The following LINGO2 variants were observed in gnomAD, a reference collection of about 807,000 sequenced individuals.
LINGO2 encodes the protein leucine-rich repeat and immunoglobulin-like domain-containing nogo receptor-interacting protein 2.
LINGO2 carries 14 observed loss-of-function variants against 30.6 expected under a neutral mutation model. The observed-to-expected ratio is 0.46, with a 90% CI of 0.30 to 0.72. The LOEUF is 0.72. LINGO2 is among the 30% of genes least tolerant of loss of function. The pLI, the probability that LINGO2 is intolerant of heterozygous loss-of-function variation, is 0.07. For missense variants in LINGO2, 729 were observed against 751.7 expected, an observed-to-expected ratio of 0.97 and a Z score of 0.35; for synonymous variants, 317 against 288.5, an observed-to-expected ratio of 1.10 and a Z score of -1.00.
chr9:28,464,244 T>C (rs551648091), intron 2 of LINGO2, among the ~76,000 whole-genome samples: 3 of 152,318 alleles, frequency 2.0e-5, no homozygotes, highest in African/African-American at 7.2e-5. Flanking sequence ...TATTCCTGTG[T>C]TACACTATAA....
intron 3 of LINGO2, among the ~76,000 whole-genome samples, chr9:28,314,875 C>A (rs905942282): frequency 2.6e-5 from 4 of 151,654 alleles, no homozygotes; most frequent in African/African-American, 9.7e-5. Flanking sequence ...GTCCCAGCTA[C>A]TCGGGAGGCT....
chr9:28,672,508 T>C (rs1266513827), upstream of LINGO2, among the ~76,000 whole-genome samples: 3 of 152,194 alleles, frequency 2.0e-5, no homozygotes, highest in South Asian at 4.1e-4. Context: ...TTGCCACCAT[T>C]GGCTTACATA....
chr9:28,348,633 G>C (rs547969511), intron 3 of LINGO2, among the ~76,000 whole-genome samples: 2,856 of 152,216 alleles, frequency 0.019, 78 homozygotes, highest in African/African-American at 0.065. Flanking sequence ...AGCTGGAACT[G>C]GGTGGAGCCC....
At chr9:28,221,850 C>T (rs988612787) in intron 4 of LINGO2, among the ~76,000 whole-genome samples, 2 of 152,084 alleles carry the variant, frequency 1.3e-5, no homozygotes, top group Non-Finnish European at 2.9e-5. Context: ...TGCTTCTTTC[C>T]AACAGGATAT....
chr9:29,147,008 TCA>T, the LINGO2 span, among the ~76,000 whole-genome samples: 9 of 152,170 alleles, frequency 5.9e-5, no homozygotes, highest in Admixed American at 5.9e-4. Flanking sequence ...AGGATAATTT[TCA>T]CGTTAAACAC....
chr9:28,308,633 A>C (rs1824472682), intron 3 of LINGO2, among the ~76,000 whole-genome samples: 1 of 148,228 alleles, frequency 6.7e-6, no homozygotes. Context: ...CTACCATCAG[A>C]GTGAACAGGC....
At chr9:29,144,726 C>A in the LINGO2 span, among the ~76,000 whole-genome samples, 1 of 152,130 alleles carries the variant, frequency 6.6e-6, no homozygotes, top group East Asian at 1.9e-4. Flanking sequence ...GAGCTTATCT[C>A]AAGTGCCCCT....
At chr9:28,849,505 T>C in the LINGO2 span, among the ~76,000 whole-genome samples, 1 of 152,040 alleles carries the variant, frequency 6.6e-6, no homozygotes, top group South Asian at 2.1e-4. Flanking sequence ...TTTGCTGTAA[T>C]AGTAGGTCAT....
chr9:28,155,892 A>G (rs998436733), intron 4 of LINGO2, among the ~76,000 whole-genome samples: 2 of 152,164 alleles, frequency 1.3e-5, no homozygotes, highest in African/African-American at 4.8e-5. Flanking sequence ...GAACCAGGAA[A>G]TGTGCCTTCT....
intron 3 of LINGO2, among the ~76,000 whole-genome samples, chr9:28,372,605 A>G (rs1393284844): frequency 3.6e-5 from 2 of 55,090 alleles, no homozygotes; most frequent in African/African-American, 7.6e-5. Flanking sequence ...ACAGCATGGT[A>G]AATCTAACTA....
At chr9:27,989,686 A>G (rs922244795) in intron 5 of LINGO2, among the ~76,000 whole-genome samples, 1 of 152,014 alleles carries the variant, frequency 6.6e-6, no homozygotes, top group South Asian at 2.1e-4. Flanking sequence ...AACACAGATA[A>G]CTATGAGTTA....
intron 4 of LINGO2, among the ~76,000 whole-genome samples, chr9:28,012,761 C>G (rs959879683): frequency 6.6e-6 from 1 of 152,184 alleles, no homozygotes; most frequent in Non-Finnish European, 1.5e-5. Flanking sequence ...CCCTGGGCAA[C>G]TCCCACTTAT....
chr9:28,325,467 C>T (rs1825194478), intron 3 of LINGO2, among the ~76,000 whole-genome samples: 1 of 152,082 alleles, frequency 6.6e-6, no homozygotes, highest in African/African-American at 2.4e-5. Flanking sequence ...CCACCCAAAT[C>T]TCATCTTGAA....
At chr9:28,433,947 C>CTATATATATATATATATATA (rs1417650474) in intron 2 of LINGO2, among the ~76,000 whole-genome samples, 28 of 61,084 alleles carry the variant, frequency 4.6e-4, no homozygotes, top group African/African-American at 1.1e-3. Context: ...CTCTCTCTCT[C>CTATATATATATATATATATA]TCTATATATA....
At chr9:29,012,218 C>T in the LINGO2 span, among the ~76,000 whole-genome samples, 1 of 151,936 alleles carries the variant, frequency 6.6e-6, no homozygotes, top group African/African-American at 2.4e-5. Context: ...GTTAGCTGGT[C>T]GTGGTGGCAG....
the LINGO2 span, among the ~76,000 whole-genome samples, chr9:28,900,124 C>T: frequency 1.3e-5 from 2 of 152,086 alleles, no homozygotes; most frequent in African/African-American, 4.8e-5. Flanking sequence ...GTTCCAGGCA[C>T]CAGGCCAGTA....
chr9:28,581,094 T>C (rs1824235425), intron 1 of LINGO2, among the ~76,000 whole-genome samples: 1 of 151,904 alleles, frequency 6.6e-6, no homozygotes, highest in Admixed American at 6.6e-5. Context: ...CAGTAGTGGG[T>C]AAGAAGGAAG....
the LINGO2 span, among the ~76,000 whole-genome samples, chr9:29,211,502 G>A: frequency 6.6e-6 from 1 of 152,118 alleles, no homozygotes; most frequent in South Asian, 2.1e-4. Flanking sequence ...AAACACACAA[G>A]CTTAACTTCG....
At chr9:28,898,075 C>T in the LINGO2 span, among the ~76,000 whole-genome samples, 1 of 152,084 alleles carries the variant, frequency 6.6e-6, no homozygotes. Flanking sequence ...CTCTACCCTT[C>T]AAAACCTGCA....
Sources: allele counts gnomAD v4.1 joint callset (sites outside exome capture counted in the v4.1 genomes callset), GRCh38; gene constraint gnomAD v4.1.1; transcripts MANE v1.5; gene names NCBI Gene and HGNC (gene_info 2026-07-23, HGNC 2026-07-21).